Variants in ABRAXAS1 observed in about 807,000 individuals in gnomAD.
ABRAXAS1 encodes the protein abraxas 1, BRCA1 A complex subunit.
In ABRAXAS1, 26 loss-of-function variants were observed where a neutral mutation model predicts 38.4. The observed-to-expected ratio is 0.68, with a 90% CI of 0.50 to 0.94. The LOEUF is 0.94. ABRAXAS1 is among the 40% of genes least tolerant of loss of function. The pLI, the probability that ABRAXAS1 is intolerant of heterozygous loss-of-function variation, is 0.00. For missense variants in ABRAXAS1, 438 were observed against 481.9 expected, an observed-to-expected ratio of 0.91 and a Z score of 0.85; for synonymous variants, 144 against 165.5, an observed-to-expected ratio of 0.87 and a Z score of 1.00.
chr4:83,484,870 G>A, intron 1 of ABRAXAS1, 116 bp downstream of exon 1: 1 of 815,062 alleles, frequency 1.2e-6, no homozygotes, highest in Non-Finnish European at 1.8e-6. Context: ...CGACCGCAGG[G>A]AGGAGGCGCG....
chr4:83,482,260 G>A lies in ABRAXAS1; in HGVS notation c.88-16C>T. On this transcript the variant is annotated splice_polypyrimidine_tract_variant and intron_variant, in intron 1 of 8. Coordinates refer to ENST00000321945, the MANE Select transcript of ABRAXAS1 (RefSeq NM_139076.3). ...GAAAACCTTCCTATGAAGATAAAGA[G>A]GCAATATATAGAATACACTGATAGA... 1.3e-6 allele frequency: 2 copies of A among 1,503,868 alleles called. No homozygotes were observed. The highest frequency in any genetic ancestry group is 1.7e-4 in the Middle Eastern group (1 of 5,804). The allele number at this position is 1,503,868 out of a possible 1,614,324, so 93.2% of individuals were successfully genotyped here.
In ABRAXAS1 at chr4:83,470,117, G is replaced by T. The variant is rs141840518; in HGVS notation, c.476+86C>A. 4.3e-4 allele frequency: 429 copies of T among 990,590 alleles called. 2 individuals carry two copies. In the East Asian group the frequency reaches 0.011, roughly 24 times the overall value. 61.4% of individuals were successfully genotyped at this position (990,590 alleles called of 1,614,324 possible). On this transcript the variant is annotated intron_variant, in intron 5 of 8. Transcript: ENST00000321945. ...GACAATCTGATGCGACAATATATGA[G>T]AACACTTTGTAAGCTGCAAAAAGTA...
At chr4:83,479,465 T>G (rs1428102379) in intron 2 of ABRAXAS1, 1 of 147,944 alleles carries the variant, frequency 6.8e-6, no homozygotes, top group African/African-American at 2.5e-5. Flanking sequence ...TGGAGAAGCC[T>G]AAAATGGCAT....
chr4:83,477,943 A>G, intron 2 of ABRAXAS1: 2 of 863,290 alleles, frequency 2.3e-6, no homozygotes, highest in Non-Finnish European at 3.9e-6. Context: ...CCGATGTTCT[A>G]AAGATTCGAA....
chr4:83,460,953 G>C lies in ABRAXAS1; in HGVS notation c.*1516C>G. The C allele has an allele frequency of 6.3e-7, 1 of 1,582,616 alleles. No homozygotes were observed. Among genetic ancestry groups the C allele is most frequent in the East Asian group, 2.2e-5 (1 of 44,726 alleles). ...AAATATTGACATTTTTTATGAATAA[G>C]AAAGCTTTTTATTTTACAGGTCTTT... On this transcript the variant is annotated 3_prime_UTR_variant, in exon 9 of 9. Transcript: ENST00000321945.
At position 83,467,480 on chromosome 4, in the gene ABRAXAS1, ACATTT is replaced by A. The variant is rs1722416021; in HGVS notation, c.650_654del (p.Glu217ValfsTer19). 2 of 1,561,214 alleles carry A rather than the reference ACATTT, an allele frequency of 1.3e-6. No individual in the cohort carries two copies. The highest frequency in any genetic ancestry group is 1.8e-6 in the Non-Finnish European group (2 of 1,134,520). Reference sequence around the variant, plus strand: ...TTTAATTCCTCTTGTAATGAAGCATACATTTCATTTATCTTATGTACCTCCTTTAA... The same window carrying A: ...TTTAATTCCTCTTGTAATGAAGCATACATTTATCTTATGTACCTCCTTTAA... On this transcript the variant is annotated frameshift_variant, in exon 7 of 9. Coordinates refer to ENST00000321945, the MANE Select transcript of ABRAXAS1 (RefSeq NM_139076.3). LOFTEE classifies it high-confidence loss of function.
chr4:83,484,304 T>A (rs1004849738), intron 1 of ABRAXAS1: 4 of 699,896 alleles, frequency 5.7e-6, no homozygotes, highest in Non-Finnish European at 5.3e-6. Context: ...GCTTAGACTT[T>A]CTTTCTGCAA....
At chr4:83,480,747 GA>G (rs1266908023) in intron 2 of ABRAXAS1, among the ~76,000 whole-genome samples, 1 of 152,096 alleles carries the variant, frequency 6.6e-6, no homozygotes, top group Non-Finnish European at 1.5e-5. Context: ...TTATGATAAT[GA>G]AAAACTAGAA....
intron 2 of ABRAXAS1, chr4:83,478,016 C>T: frequency 1.0e-6 from 1 of 970,062 alleles, no homozygotes; most frequent in Admixed American, 1.7e-5. Context: ...TATATACCAA[C>T]AGGAAGGCAC....
chr4:83,472,114 C>T, intron 4 of ABRAXAS1, 108 bp downstream of exon 4: 1 of 621,108 alleles, frequency 1.6e-6, no homozygotes, highest in Non-Finnish European at 2.7e-6. Context: ...TTACAGGATA[C>T]TATGATGTCA....
chr4:83,478,305 T>C, intron 2 of ABRAXAS1: 4 of 636,362 alleles, frequency 6.3e-6, no homozygotes, highest in South Asian at 5.5e-5. Context: ...ATTTTAAAAA[T>C]GTGGAAACAT....
At position 83,472,204 on chromosome 4, in the gene ABRAXAS1, A is replaced by G; in HGVS notation, c.282+18T>C. On this transcript the variant is annotated intron_variant, in intron 4 of 8. Coordinates refer to ENST00000321945, the MANE Select transcript of ABRAXAS1 (RefSeq NM_139076.3). ...ATGCAAATAATACCAAAAAAAGGGA[A>G]GATAAATTAGAGAATACCTTTTTGA... The G allele has an allele frequency of 6.9e-7, 1 of 1,444,448 alleles. No homozygotes were observed. Among genetic ancestry groups the G allele is most frequent in the Non-Finnish European group, 9.3e-7 (1 of 1,072,100 alleles). The allele number at this position is 1,444,448 out of a possible 1,614,324, so 89.5% of individuals were successfully genotyped here.
At chr4:83,468,865 G>T (rs991109114) in intron 6 of ABRAXAS1, among the ~76,000 whole-genome samples, 167 bp downstream of exon 6, 1 of 151,972 alleles carries the variant, frequency 6.6e-6, no homozygotes, top group African/African-American at 2.4e-5. Flanking sequence ...TTTGTATCTT[G>T]TAAGTACACA....
At chr4:83,479,261 G>A (rs1460982802) in intron 2 of ABRAXAS1, 2 of 152,022 alleles carry the variant, frequency 1.3e-5, no homozygotes, top group Non-Finnish European at 2.9e-5. Flanking sequence ...ATATTGGCTG[G>A]GTGTGGTGGC....
At chr4:83,474,144 A>AAAAT (rs71668653) in intron 3 of ABRAXAS1, among the ~76,000 whole-genome samples, 51,282 of 141,812 alleles carry the variant, frequency 0.36, 9,932 homozygotes, top group Admixed American at 0.45. Context: ...CCTTGTCTAA[A>AAAAT]AAATAAATAA....
rs1454883559 is a variant in ABRAXAS1 at position 83,462,610 on chromosome 4, T to C, written c.1089A>G (p.Leu363=). 2.5e-6 allele frequency: 4 copies of C among 1,614,040 alleles called. No individual in the cohort carries two copies. Among genetic ancestry groups the C allele is most frequent in the Non-Finnish European group, 2.5e-6 (3 of 1,180,026 alleles). Residue 363 remains leucine (L), a synonymous_variant, in exon 9 of 9, where the codon TTA becomes TTG. Transcript: ENST00000321945. ...CTTTAGATCGTTTGTCTTGTGTATC[T>C]AACAACCGAGATCTCTTGAATTGCC... The part of the protein sequence containing the change: ...DRWQFKRSRL[L]DTQDKRSKAD...
At position 83,469,316 on chromosome 4, in the gene ABRAXAS1, G is replaced by GTTT. The variant is rs148107040; in HGVS notation, c.477-168_477-166dup. ...TAGAATTTACTGACTTGAAACAACTGTTTTTTTTTTTTTTTGAGACAGGGT... is the reference window on the plus strand; with the variant it reads ...TAGAATTTACTGACTTGAAACAACTGTTTTTTTTTTTTTTTTTTGAGACAGGGT... On this transcript the variant is annotated intron_variant, in intron 5 of 8. Transcript: ENST00000321945. The GTTT allele has an allele frequency of 1.8e-3, 848 of 473,836 alleles. 1 individual carries two copies. Among genetic ancestry groups the GTTT allele is most frequent in the African/African-American group, 0.01 (477 of 46,842 alleles). 29.4% of individuals were successfully genotyped at this position (473,836 alleles called of 1,614,324 possible).
chr4:83,462,643 A>G lies in ABRAXAS1; in HGVS notation c.1056T>C (p.Asp352=), dbSNP rs773812911. 6.2e-7 allele frequency: 1 copy of G among 1,614,058 alleles called. No homozygotes were observed. The highest frequency in any genetic ancestry group is 8.5e-7 in the Non-Finnish European group (1 of 1,179,990). ...GAGATCTCTTGAATTGCCATCTGTC[A>G]TCTAAGTCTAAGGCTTTATGCTTAA... ...QIIKHKALDL[D]DRWQFKRSRL... is the part of the protein sequence containing the mutation. Residue 352 remains aspartate (D), a synonymous_variant, in exon 9 of 9, where the codon GAT becomes GAC. Coordinates refer to ENST00000321945, the MANE Select transcript of ABRAXAS1 (RefSeq NM_139076.3).
chr4:83,461,232 C>T lies in ABRAXAS1; in HGVS notation c.*1237G>A, dbSNP rs568410355. On this transcript the variant is annotated 3_prime_UTR_variant, in exon 9 of 9. Transcript: ENST00000321945. ...CGTTACCACTAATAAACTTATTTTACAGTAAGTGGTTGTATGATGCCAATA... is the reference window on the plus strand; with the variant it reads ...CGTTACCACTAATAAACTTATTTTATAGTAAGTGGTTGTATGATGCCAATA... The T allele has an allele frequency of 2.7e-5, 43 of 1,579,560 alleles. No individual in the cohort carries two copies. Among genetic ancestry groups the T allele is most frequent in the South Asian group, 5.6e-5 (5 of 90,036 alleles).
Sources: gnomAD v4.1 joint callset for allele counts (sites outside exome capture counted in the v4.1 genomes callset) on GRCh38, gnomAD v4.1.1 for gene constraint, MANE v1.5 for transcripts, NCBI Gene and HGNC (gene_info 2026-07-23, HGNC 2026-07-21) for gene names.